JMJD1C: variants seen among roughly 807,000 people sequenced by gnomAD.
The protein encoded by JMJD1C is jumonji domain containing 1C.
A neutral mutation model predicts 245.3 loss-of-function variants in JMJD1C; 31 were observed. The observed-to-expected ratio is 0.13, with a 90% CI of 0.09 to 0.17. The LOEUF is 0.17. JMJD1C is among the 10% of genes least tolerant of loss of function. The pLI is 1.00. For missense variants in JMJD1C, 2,691 were observed against 3,000.2 expected, an observed-to-expected ratio of 0.90 and a Z score of 2.41; for synonymous variants, 1,057 against 1,017.4, an observed-to-expected ratio of 1.04 and a Z score of -0.74.
At chr10:63,391,888 G>A (rs375887747) in intron 1 of JMJD1C, among the ~76,000 whole-genome samples, 4 of 152,154 alleles carry the variant, frequency 2.6e-5, no homozygotes, top group Non-Finnish European at 4.4e-5. Flanking sequence ...TACACTACCC[G>A]ACTTTAAAAT....
intron 2 of JMJD1C, among the ~76,000 whole-genome samples, chr10:63,312,399 T>A (rs537375587): frequency 6.6e-6 from 1 of 152,266 alleles, no homozygotes; most frequent in Admixed American, 6.5e-5. Flanking sequence ...TGAGCCACCA[T>A]GCCCGGTTGA....
chr10:63,268,748 C>A, intron 2 of JMJD1C: 3 of 985,296 alleles, frequency 3.0e-6, no homozygotes, highest in Non-Finnish European at 3.6e-6. Context: ...GCTGAAATTT[C>A]TATTTTGTTC....
At chr10:63,250,336 A>C (rs1179190666) in intron 3 of JMJD1C, among the ~76,000 whole-genome samples, 1 of 152,174 alleles carries the variant, frequency 6.6e-6, no homozygotes, top group Non-Finnish European at 1.5e-5. Flanking sequence ...TTTAAATATA[A>C]ATACAGATAA....
At chr10:63,471,675 A>C (rs1299801176) in intron 1 of JMJD1C, among the ~76,000 whole-genome samples, 2 of 152,238 alleles carry the variant, frequency 1.3e-5, no homozygotes, top group Non-Finnish European at 2.9e-5. Flanking sequence ...ACTAAATAAC[A>C]GTTTTTAAAC....
At chr10:63,301,001 G>C (rs1467676896) in intron 2 of JMJD1C, among the ~76,000 whole-genome samples, 1 of 152,098 alleles carries the variant, frequency 6.6e-6, no homozygotes, top group East Asian at 1.9e-4. Flanking sequence ...ATCCCAGGAA[G>C]GGCAATAAAA....
chr10:63,330,626 A>AT (rs1197065484), intron 2 of JMJD1C, among the ~76,000 whole-genome samples: 3 of 151,708 alleles, frequency 2.0e-5, no homozygotes. Flanking sequence ...TCCTATTATC[A>AT]TTTTTTCTTT....
chr10:63,282,862 G>A lies in JMJD1C; in HGVS notation c.334-18098C>T, dbSNP rs534868387. Reference sequence around the variant, plus strand: ...CTCCCAAGTAGCTGGGACTACAGGCGCGTGCCACCACGCCTGACTAATTCT... The same window carrying A: ...CTCCCAAGTAGCTGGGACTACAGGCACGTGCCACCACGCCTGACTAATTCT... On this transcript the variant is annotated intron_variant, in intron 2 of 25. Transcript: ENST00000399262. Among the ~76,000 whole-genome samples the A allele has an allele frequency of 1.1e-3, 167 of 152,248 alleles. 1 individual carries two copies. Among genetic ancestry groups the A allele is most frequent in the African/African-American group, 3.8e-3 (156 of 41,536 alleles).
At chr10:63,170,369 A>G (rs1268627452) in intron 24 of JMJD1C, among the ~76,000 whole-genome samples, 1 of 152,160 alleles carries the variant, frequency 6.6e-6, no homozygotes, top group Non-Finnish European at 1.5e-5. Flanking sequence ...TACAATGGGT[A>G]ATCATATTCT....
intron 3 of JMJD1C, among the ~76,000 whole-genome samples, chr10:63,239,708 G>A (rs1040163101): frequency 5.3e-5 from 8 of 152,188 alleles, no homozygotes; most frequent in African/African-American, 1.9e-4. Flanking sequence ...GGCCTCCTAA[G>A]TGCTGGGATT....
At chr10:63,459,193 C>G (rs1952619478) in intron 1 of JMJD1C, among the ~76,000 whole-genome samples, 1 of 152,160 alleles carries the variant, frequency 6.6e-6, no homozygotes, top group South Asian at 2.1e-4. Context: ...AAGAAATACT[C>G]AATTCCTATT....
At chr10:63,458,724 TTTA>T (rs1952582745) in intron 1 of JMJD1C, among the ~76,000 whole-genome samples, 2 of 14,160 alleles carry the variant, frequency 1.4e-4, no homozygotes, top group Non-Finnish European at 5.2e-4. Context: ...TTTTTTTTTA[TTTA>T]TTTATTTTTT....
In JMJD1C at chr10:63,281,598, G is replaced by A. The variant is rs12359937; in HGVS notation, c.334-16834C>T. Among the ~76,000 whole-genome samples the A allele has an allele frequency of 3.3e-3, 495 of 148,538 alleles. 3 individuals are homozygous for A. Among genetic ancestry groups the A allele is most frequent in the African/African-American group, 0.012 (472 of 40,774 alleles). On this transcript the variant is annotated intron_variant, in intron 2 of 25. Transcript: ENST00000399262. ...CGGTTATCCTGCCTCAGCCTCCAGA[G>A]TAGCATGGACAATAGGTGCATGCCA...
intron 8 of JMJD1C, among the ~76,000 whole-genome samples, chr10:63,211,323 A>T (rs570381537): frequency 3.2e-4 from 49 of 152,124 alleles, no homozygotes; most frequent in African/African-American, 1.1e-3. Flanking sequence ...AAAATTAGCC[A>T]GGTGTGGTGT....
intron 2 of JMJD1C, among the ~76,000 whole-genome samples, chr10:63,279,201 G>T (rs1403917805): frequency 6.6e-6 from 1 of 151,578 alleles, no homozygotes; most frequent in East Asian, 2.0e-4. Context: ...AGTGAGCTAA[G>T]ACGGTGCCAT....
chr10:63,354,350 ATTGT>A (rs1415026879), intron 2 of JMJD1C, among the ~76,000 whole-genome samples: 1 of 152,148 alleles, frequency 6.6e-6, no homozygotes, highest in Non-Finnish European at 1.5e-5. Flanking sequence ...ATTCATTTTT[ATTGT>A]TTGAACATAT....
intron 1 of JMJD1C, among the ~76,000 whole-genome samples, chr10:63,453,670 A>G (rs1428816400): frequency 6.6e-6 from 1 of 152,244 alleles, no homozygotes; most frequent in African/African-American, 2.4e-5. Flanking sequence ...AGAATAATGT[A>G]CTATAAGTAG....
chr10:63,182,355 T>C (rs1843592676), intron 22 of JMJD1C, among the ~76,000 whole-genome samples: 1 of 152,042 alleles, frequency 6.6e-6, no homozygotes, highest in African/African-American at 2.4e-5. Context: ...CAGGGGTGAG[T>C]AATAAACGAA....
At chr10:63,195,241 T>A (rs1845310726) in intron 13 of JMJD1C, among the ~76,000 whole-genome samples, 1 of 151,630 alleles carries the variant, frequency 6.6e-6, no homozygotes, top group African/African-American at 2.4e-5. Flanking sequence ...TAGTCCCAGC[T>A]ACTTGGGAGG....
intron 2 of JMJD1C, chr10:63,373,129 A>G (rs1231018665): frequency 1.2e-5 from 2 of 170,026 alleles, no homozygotes; most frequent in African/African-American, 4.8e-5. Flanking sequence ...ATTTTACTTT[A>G]TTAAAAAGTA....
Sources: gnomAD v4.1 joint callset for allele counts (sites outside exome capture counted in the v4.1 genomes callset) on GRCh38, gnomAD v4.1.1 for gene constraint, MANE v1.5 for transcripts, NCBI Gene and HGNC (gene_info 2026-07-23, HGNC 2026-07-21) for gene names.